The following LRP2 variants were observed in gnomAD, a reference collection of about 807,000 sequenced individuals.
The protein encoded by LRP2 is low-density lipoprotein receptor-related protein 2.
A neutral mutation model predicts 531.0 loss-of-function variants in LRP2; 172 were observed. The ratio of observed to expected loss-of-function variants is 0.32; its 90% CI spans 0.29 to 0.37. The LOEUF is 0.37. Ranked by LOEUF, LRP2 falls within the 10% of genes least tolerant of loss-of-function variation. The probability of loss-of-function intolerance (pLI) is 1.00; values close to 1 mark genes in which losing one functional copy is unlikely to be tolerated. For synonymous variants in LRP2, 1,992 were observed against 2,027.6 expected, an observed-to-expected ratio of 0.98 and a Z score of 0.47; for missense variants, 5,167 against 5,868.3, an observed-to-expected ratio of 0.88 and a Z score of 3.90.
At chr2:169,170,763 C>T in intron 58 of LRP2, 96 bp from the exon 59 acceptor site, 2 of 844,560 alleles carry the variant, frequency 2.4e-6, no homozygotes, top group Non-Finnish European at 4.1e-6. Flanking sequence ...TGCCCAGCAC[C>T]CTCCTGTGTC....
In LRP2 at chr2:169,209,620, T is replaced by A; in HGVS notation, c.6302A>T (p.Asp2101Val). The A allele has an allele frequency of 6.2e-7, 1 of 1,614,034 alleles. No homozygotes were observed. The highest frequency in any genetic ancestry group is 8.5e-7 in the Non-Finnish European group (1 of 1,179,968). The change falls in exon 38 of 79, where the codon GAT (aspartate) becomes GTT (valine). Residue 2101 changes from aspartate to valine, a missense_variant. Around this residue, in one of 6 missense-constraint regions of LRP2, gnomAD observed 2,811 missense variants for 3,058.0 expected, o/e 0.92. Coordinates refer to ENST00000649046, the MANE Select transcript of LRP2 (RefSeq NM_004525.3). The stretch of plus-strand genomic sequence containing the variant: ...AATAAAGCCAGAGGACACATCCACA[T>A]CCACATGCAGTGCGTTTCGTCCTGG... ...AGQGRNALHV[D>V]VDVSSGFIYW...
In LRP2 at chr2:169,275,165, A is replaced by G. The variant is rs1344280553; in HGVS notation, c.1846T>C (p.Phe616Leu). The G allele has an allele frequency of 1.2e-6, 2 of 1,613,840 alleles. No individual in the cohort carries two copies. The change falls in exon 14 of 79, where the codon TTT (phenylalanine) becomes CTT (leucine). Residue 616 changes from phenylalanine (F) to leucine (L), a missense_variant. Physicochemically the swap from Phe to Leu is conservative, Grantham distance 22 (BLOSUM62 0). Around this residue, in one of 6 missense-constraint regions of LRP2, gnomAD observed 2,811 missense variants for 3,058.0 expected, o/e 0.92. Transcript: ENST00000649046. ...GVSLFEGQVF[F>L]TDWTKMAVLK... ...ACGGCCATCTTTGTCCAATCTGTAA[A>G]GAACACCTGACCTTCAAATAAGCTT...
Position 169,300,524 on chromosome 2 carries a change from A to G in LRP2, c.428-5814T>C, listed in dbSNP as rs1402693626. On this transcript the variant is annotated intron_variant, in intron 4 of 78. Coordinates refer to ENST00000649046, the MANE Select transcript of LRP2 (RefSeq NM_004525.3). ...AGGACGAGGGTAAACGGAAACAGCC[A>G]TTAACGTTAATGCTAGGAAACTCTG... 2.6e-5 allele frequency among the ~76,000 whole-genome samples: 4 copies of G among 152,232 alleles called. 1 individual carries two copies. The highest frequency in any genetic ancestry group is 9.6e-5 in the African/African-American group (4 of 41,586).
intron 34 of LRP2, among the ~76,000 whole-genome samples, chr2:169,216,650 A>C (rs924974992): frequency 6.6e-6 from 1 of 152,192 alleles, no homozygotes; most frequent in African/African-American, 2.4e-5. Flanking sequence ...AGGCCACTTA[A>C]AATGGTGTCT....
chr2:169,306,288 C>T (rs1267515601), intron 4 of LRP2, among the ~76,000 whole-genome samples: 1 of 152,072 alleles, frequency 6.6e-6, no homozygotes, highest in Non-Finnish European at 1.5e-5. Flanking sequence ...AATCCCAGCA[C>T]TTTGGGAGGC....
intron 63 of LRP2, among the ~76,000 whole-genome samples, chr2:169,160,684 A>AAAAAAAAAAAAAAACAAAAAAAC (rs1459931713): frequency 1.8e-4 from 18 of 98,260 alleles, no homozygotes; most frequent in Middle Eastern, 5.0e-3. Context: ...TATTTCCTTA[A>AAAAAAAAAAAAAAACAAAAAAAC]AAAAAAAAAA....
chr2:169,305,559 C>T (rs951757676), intron 4 of LRP2, among the ~76,000 whole-genome samples: 6 of 152,134 alleles, frequency 3.9e-5, no homozygotes, highest in Non-Finnish European at 7.4e-5. Flanking sequence ...TGAGAATAGG[C>T]TAAAACTTGA....
chr2:169,216,088 G>A (rs1035411527), intron 35 of LRP2, among the ~76,000 whole-genome samples, 165 bp downstream of exon 35: 4 of 152,058 alleles, frequency 2.6e-5, no homozygotes, highest in South Asian at 4.1e-4. Context: ...AGCTAGGGGC[G>A]AGGTACGTGC....
rs552779035 is a variant in LRP2 at position 169,202,738 on chromosome 2, G to A, written c.8209+18C>T. 48 of 1,613,344 alleles carry A rather than the reference G, an allele frequency of 3.0e-5. No individual in the cohort carries two copies. The Middle Eastern group carries it at 4.9e-4, about 17-fold the overall frequency. On this transcript the variant is annotated intron_variant, in intron 43 of 78. Coordinates refer to ENST00000649046, the MANE Select transcript of LRP2 (RefSeq NM_004525.3). ...GATGCCATTAGCTCCTACCAAAAGC[G>A]CCAAGAGTCCAACTCACCACAGACA...
At chr2:169,284,001 G>A (rs1278464447) in intron 9 of LRP2, among the ~76,000 whole-genome samples, 1 of 151,984 alleles carries the variant, frequency 6.6e-6, no homozygotes, top group Non-Finnish European at 1.5e-5. Context: ...CGCTTCCCTG[G>A]GAGGATGACC....
chr2:169,157,226 A>G (rs1686364552), intron 64 of LRP2, 145 bp downstream of exon 64: 2 of 831,102 alleles, frequency 2.4e-6, no homozygotes, highest in East Asian at 2.7e-5. Flanking sequence ...GCAATTCTTG[A>G]GTAGTTTAAT....
At chr2:169,185,366 C>A in intron 50 of LRP2, 137 bp downstream of exon 50, 1 of 773,254 alleles carries the variant, frequency 1.3e-6, no homozygotes, top group Non-Finnish European at 2.1e-6. Flanking sequence ...AGATACAAAG[C>A]AGAAAATAAA....
At chr2:169,341,331 T>G (rs1685556724) in intron 1 of LRP2, among the ~76,000 whole-genome samples, 1 of 152,138 alleles carries the variant, frequency 6.6e-6, no homozygotes, top group Non-Finnish European at 1.5e-5. Flanking sequence ...AAAATTAAAA[T>G]TAAAATTAAA....
At chr2:169,178,137 A>T (rs1172292716) in intron 52 of LRP2, 111 bp from the exon 53 acceptor site, 6 of 811,984 alleles carry the variant, frequency 7.4e-6, no homozygotes, top group Non-Finnish European at 1.0e-5. Flanking sequence ...TAGAGATAAT[A>T]TAAGTTCAGA....
In LRP2 at chr2:169,179,579, G is replaced by T. The variant is rs563963335; in HGVS notation, c.10170-1553C>A. On this transcript the variant is annotated intron_variant, in intron 52 of 78. Transcript: ENST00000649046. ...CTACTAAAAATACAAAATTAGCCAG[G>T]TGTGGTGGTGCACGCCTGTAATACC... Among the ~76,000 whole-genome samples the T allele has an allele frequency of 8.9e-4, 135 of 152,122 alleles. 7 individuals carry two copies. In the South Asian group the frequency reaches 0.025, roughly 29 times the overall value.
chr2:169,194,761 G>GC (rs1314524657), intron 46 of LRP2, among the ~76,000 whole-genome samples: 1 of 138,952 alleles, frequency 7.2e-6, no homozygotes, highest in Non-Finnish European at 1.5e-5. Context: ...TCACTCTGTG[G>GC]CCAGGCTGGA....
chr2:169,164,651 G>A (rs1010349287), intron 62 of LRP2, among the ~76,000 whole-genome samples: 1 of 152,182 alleles, frequency 6.6e-6, no homozygotes, highest in South Asian at 2.1e-4. Flanking sequence ...ATTATGGGAT[G>A]GAGGAGGGTT....
chr2:169,209,623 A>G lies in LRP2; in HGVS notation c.6299T>C (p.Val2100Ala). 1 of 1,614,092 alleles carries G rather than the reference A, an allele frequency of 6.2e-7. No homozygotes were observed. The highest frequency in any genetic ancestry group is 8.5e-7 in the Non-Finnish European group (1 of 1,179,990). Residue 2100 changes from valine to alanine, a missense_variant, in exon 38 of 79, where the codon GTG (valine) becomes GCG (alanine). Around this residue, in one of 6 missense-constraint regions of LRP2, gnomAD observed 2,811 missense variants for 3,058.0 expected, o/e 0.92. Transcript: ENST00000649046. The part of the protein sequence containing the change: ...VAGQGRNALH[V>A]DVDVSSGFIY... ...AAAGCCAGAGGACACATCCACATCC[A>G]CATGCAGTGCGTTTCGTCCTGGAAG...
chr2:169,307,431 A>G (rs1338604392), intron 3 of LRP2, 34 bp from the exon 4 acceptor site: 2 of 1,202,300 alleles, frequency 1.7e-6, no homozygotes, highest in Non-Finnish European at 2.5e-6. Flanking sequence ...TTAATTTATA[A>G]TTATTGCTAG....
Sources: gnomAD v4.1 joint callset for allele counts (sites outside exome capture counted in the v4.1 genomes callset) on GRCh38, gnomAD v4.1.1 for gene constraint, gnomAD v4.1.1 regional missense constraint, MANE v1.5 for transcripts, NCBI Gene and HGNC (gene_info 2026-07-23, HGNC 2026-07-21) for gene names.